The following BRSK2 variants were observed in gnomAD, a reference collection of about 807,000 sequenced individuals.
The protein encoded by BRSK2 is serine/threonine-protein kinase BRSK2.
BRSK2 carries 19 observed loss-of-function variants against 83.3 expected under a neutral mutation model. The ratio of observed to expected loss-of-function variants is 0.23; its 90% CI spans 0.16 to 0.33. The LOEUF (loss-of-function observed/expected upper bound fraction) is 0.33. Ranked by LOEUF, BRSK2 falls within the 10% of genes least tolerant of loss-of-function variation. The probability of loss-of-function intolerance (pLI) is 1.00; values close to 1 mark genes in which losing one functional copy is unlikely to be tolerated. For synonymous variants in BRSK2, 519 were observed against 435.4 expected (o/e 1.19, Z -2.39); for missense variants, 798 against 1,042.3 (o/e 0.77, Z 3.23).
chr11:1,457,916 A>G (rs1846835107), intron 18 of BRSK2, among the ~76,000 whole-genome samples: 1 of 152,072 alleles, frequency 6.6e-6, no homozygotes, highest in Non-Finnish European at 1.5e-5. Context: ...TGATTTTGGG[A>G]GCCAGGCTGG....
At chr11:1,416,273 A>G (rs1483994949) in intron 1 of BRSK2, among the ~76,000 whole-genome samples, 1 of 152,232 alleles carries the variant, frequency 6.6e-6, no homozygotes, top group Non-Finnish European at 1.5e-5. Context: ...GGCACAGAGT[A>G]TGATGCCTGT....
intron 2 of BRSK2, among the ~76,000 whole-genome samples, chr11:1,436,657 C>G (rs796181028): frequency 6.6e-6 from 1 of 152,104 alleles, no homozygotes; most frequent in South Asian, 2.1e-4. Flanking sequence ...GGGGCGGCCC[C>G]GGCTGCTGGG....
At chr11:1,450,879 C>G in intron 14 of BRSK2, 85 bp downstream of exon 14, 3 of 1,327,164 alleles carry the variant, frequency 2.3e-6, no homozygotes, top group Non-Finnish European at 3.0e-6. Flanking sequence ...CAGTGCCAGA[C>G]CAGTCCGAGG....
intron 1 of BRSK2, among the ~76,000 whole-genome samples, chr11:1,434,774 C>G (rs1850070550): frequency 6.6e-6 from 1 of 152,104 alleles, no homozygotes; most frequent in Non-Finnish European, 1.5e-5. Context: ...CCTGTGATAA[C>G]CTGATCCCCC....
chr11:1,403,508 C>T (rs756972388), intron 1 of BRSK2, among the ~76,000 whole-genome samples: 12 of 152,240 alleles, frequency 7.9e-5, no homozygotes, highest in Non-Finnish European at 1.8e-4. Context: ...CCACGAAACC[C>T]GCAGGCTCAT....
rs1002911987 is a variant in BRSK2 at position 1,454,734 on chromosome 11, C to T, written c.1668+126C>T. The T allele has an allele frequency of 2.0e-5, 26 of 1,279,392 alleles. No individual in the cohort carries two copies. Among genetic ancestry groups the T allele is most frequent in the African/African-American group, 5.9e-5 (4 of 67,466 alleles). 79.3% of individuals were successfully genotyped at this position (1,279,392 alleles called of 1,614,324 possible). On this transcript the variant is annotated intron_variant, in intron 16 of 19. Coordinates refer to ENST00000528841, the MANE Select transcript of BRSK2 (RefSeq NM_001256627.2). This position sits in a 1 kb window ranked among gnomAD's most constrained non-coding sequence, Gnocchi z 5.2. Reference sequence around the variant, plus strand: ...CGCACAGCACGGACGTCCGCTCACCCGTGGGCCTGCCTGGCCGCCTTCACT... The same window carrying T: ...CGCACAGCACGGACGTCCGCTCACCTGTGGGCCTGCCTGGCCGCCTTCACT...
At chr11:1,444,820 T>C in intron 8 of BRSK2, 151 bp from the exon 9 acceptor site, 5 of 687,454 alleles carry the variant, frequency 7.3e-6, no homozygotes, top group South Asian at 3.3e-5. Context: ...GCCCCCTCCC[T>C]ATCTTCCTCC....
At position 1,445,658 on chromosome 11, in the gene BRSK2, G is replaced by A; in HGVS notation, c.1065G>A (p.Arg355=). 1.2e-6 allele frequency: 2 copies of A among 1,600,356 alleles called. No individual in the cohort carries two copies. The highest frequency in any genetic ancestry group is 1.7e-6 in the Non-Finnish European group (2 of 1,174,014). The stretch of plus-strand genomic sequence containing the variant: ...AGGAGGATGAGGACCTGCCCCCCCG[G>A]AACGAGATAGGTATGGGTCCAGGGG... ...PSQEDEDLPP[R]NEIDPPRKRV... is the part of the protein sequence containing the mutation. Residue 355 remains arginine, a synonymous_variant, in exon 11 of 20, where the codon CGG becomes CGA. Coordinates refer to ENST00000528841, the MANE Select transcript of BRSK2 (RefSeq NM_001256627.2).
intron 19 of BRSK2, among the ~76,000 whole-genome samples, chr11:1,460,077 C>A (rs1413650493): frequency 7.7e-6 from 1 of 130,454 alleles, no homozygotes; most frequent in Non-Finnish European, 1.6e-5. Flanking sequence ...GCCCTCACGG[C>A]TGCAAGGTGG....
At position 1,423,783 on chromosome 11, in the gene BRSK2, C is replaced by T. The variant is rs989407118; in HGVS notation, c.92-12257C>T. Among the ~76,000 whole-genome samples, 1 of 147,862 alleles carries T rather than the reference C, an allele frequency of 6.8e-6. No individual in the cohort carries two copies. Among genetic ancestry groups the T allele is most frequent in the Admixed American group, 6.7e-5 (1 of 14,946 alleles). ...CCCCAGGCCTCCCCCGCTGGGCGTT[C>T]CGGGTGCCCCAGGCCTCCCCCGCTG... On this transcript the variant is annotated intron_variant, in intron 1 of 19. Coordinates refer to ENST00000528841, the MANE Select transcript of BRSK2 (RefSeq NM_001256627.2). This position sits in a 1 kb window ranked among gnomAD's most constrained non-coding sequence, Gnocchi z 6.5.
chr11:1,393,921 A>G (rs1303502905), intron 1 of BRSK2, among the ~76,000 whole-genome samples: 1 of 57,634 alleles, frequency 1.7e-5, no homozygotes, highest in African/African-American at 7.1e-5. Context: ...GAGATGGGCC[A>G]TGGAGATGGG....
rs182806185 is a variant in BRSK2 at position 1,420,006 on chromosome 11, G to A, written c.92-16034G>A. Among the ~76,000 whole-genome samples, 5 of 152,232 alleles carry A rather than the reference G, an allele frequency of 3.3e-5. No individual in the cohort carries two copies. In the East Asian group the frequency reaches 5.8e-4, roughly 18 times the overall value. On this transcript the variant is annotated intron_variant, in intron 1 of 19. Transcript: ENST00000528841. ...AGGCTCCGCGCCTCCTCCCACACCC[G>A]GGCACGTGGTCGTTCGTCTCCAAGG...
chr11:1,395,731 C>T lies in BRSK2; in HGVS notation c.91+5356C>T, dbSNP rs188785396. On this transcript the variant is annotated intron_variant, in intron 1 of 19. Coordinates refer to ENST00000528841, the MANE Select transcript of BRSK2 (RefSeq NM_001256627.2). ...CACCGCCCGGCCCTGATCGTGCTGG[C>T]CGTGCTGGCCCTGCTCTGCTGAGGT... is the stretch of plus-strand genomic sequence containing the variant. Among the ~76,000 whole-genome samples, 14 of 152,326 alleles carry T rather than the reference C, an allele frequency of 9.2e-5. No homozygotes were observed. The East Asian group carries it at 2.5e-3, about 27-fold the overall frequency.
At chr11:1,446,349 T>A (rs1480561652) in intron 12 of BRSK2, among the ~76,000 whole-genome samples, 2 of 148,484 alleles carry the variant, frequency 1.3e-5, no homozygotes, top group Non-Finnish European at 1.5e-5. Flanking sequence ...TTGACTGGGC[T>A]GAGCTGGGCA....
intron 1 of BRSK2, chr11:1,411,099 G>A: frequency 8.5e-7 from 1 of 1,181,572 alleles, no homozygotes; most frequent in Non-Finnish European, 1.0e-6. Context: ...GGAGGAGGCA[G>A]CCCAGGTTTG....
intron 1 of BRSK2, among the ~76,000 whole-genome samples, chr11:1,422,351 C>T (rs1223721233): frequency 1.2e-4 from 19 of 152,144 alleles, no homozygotes. Context: ...CCGTGTGCCA[C>T]CCATGGGGTG....
intron 9 of BRSK2, 78 bp downstream of exon 9, chr11:1,445,080 G>A: frequency 6.4e-7 from 1 of 1,563,118 alleles, no homozygotes; most frequent in Non-Finnish European, 8.8e-7. Flanking sequence ...AAAGGCGGGG[G>A]GAGGGCGCCG....
chr11:1,392,349 C>G (rs1048425468), intron 1 of BRSK2, among the ~76,000 whole-genome samples: 2 of 152,236 alleles, frequency 1.3e-5, no homozygotes, highest in Non-Finnish European at 2.9e-5. Flanking sequence ...CTTCTCCTTC[C>G]AGGGACCTGG....
intron 1 of BRSK2, among the ~76,000 whole-genome samples, chr11:1,425,023 G>A (rs371989054): frequency 6.6e-6 from 1 of 152,230 alleles, no homozygotes; most frequent in Non-Finnish European, 1.5e-5. Flanking sequence ...GTGACGCCAC[G>A]TGTTTCCCAC....
Sources: gnomAD v4.1 joint callset for allele counts (sites outside exome capture counted in the v4.1 genomes callset) on GRCh38, gnomAD v4.1.1 for gene constraint, Gnocchi (gnomAD v3.1) non-coding constraint, MANE v1.5 for transcripts, NCBI Gene and HGNC (gene_info 2026-07-23, HGNC 2026-07-21) for gene names.